ACACA: variants seen among roughly 807,000 people sequenced by gnomAD.
ACACA encodes acetyl-CoA carboxylase alpha, also known as acetyl-CoA carboxylase 1.
A neutral mutation model predicts 296.1 loss-of-function variants in ACACA; 103 were observed. That is an observed-to-expected ratio of 0.35 (90% CI 0.30 to 0.41). ACACA has a LOEUF of 0.41. Ranked by LOEUF, ACACA falls within the 10% of genes least tolerant of loss-of-function variation. The pLI is 1.00. For synonymous variants in ACACA, 953 were observed against 1,038.6 expected (o/e 0.92, Z 1.58); for missense variants, 1,554 against 2,989.7 (o/e 0.52, Z 11.20).
chr17:37,359,725 A>G (rs375791062), intron 1 of ACACA, among the ~76,000 whole-genome samples: 3 of 152,150 alleles, frequency 2.0e-5, no homozygotes, highest in Non-Finnish European at 4.4e-5. Flanking sequence ...GGGGTGGGCA[A>G]TCGCGTCCAC....
chr17:37,165,673 G>T (rs1205110466), intron 41 of ACACA, among the ~76,000 whole-genome samples: 3 of 140,958 alleles, frequency 2.1e-5, no homozygotes, highest in Non-Finnish European at 4.5e-5. Flanking sequence ...TCTGTGTAGA[G>T]AATTTTTTTT....
At chr17:37,236,565 T>G (rs959674198) in intron 24 of ACACA, among the ~76,000 whole-genome samples, 1 of 152,050 alleles carries the variant, frequency 6.6e-6, no homozygotes, top group Non-Finnish European at 1.5e-5. Context: ...TGGCTCACCC[T>G]TGTAATCCCA....
In ACACA at chr17:37,147,736, G is replaced by A. The variant is rs78676537; in HGVS notation, c.5679+2128C>T. ...AGCTAAAAACAAATATGCCCTTTTG[G>A]AAGTGAGCATTGTTTGGTAAGTTAA... On this transcript the variant is annotated intron_variant, in intron 45 of 55. Transcript: ENST00000616317. Among the ~76,000 whole-genome samples, 510 of 152,286 alleles carry A rather than the reference G, an allele frequency of 3.3e-3. 16 individuals carry two copies. The East Asian group carries it at 0.071, about 21-fold the overall frequency.
intron 25 of ACACA, among the ~76,000 whole-genome samples, chr17:37,233,224 G>A (rs1174191724): frequency 6.6e-6 from 1 of 152,184 alleles, no homozygotes; most frequent in East Asian, 1.9e-4. Flanking sequence ...GCTCCGAACA[G>A]CTGCCATTTT....
At chr17:37,388,740 G>A in intron 1 of ACACA, 2 of 1,612,856 alleles carry the variant, frequency 1.2e-6, no homozygotes, top group Non-Finnish European at 1.7e-6. Context: ...CTGTCACCCT[G>A]TTGCTCAGTG....
At chr17:37,386,366 C>A (rs141048333) in intron 1 of ACACA, among the ~76,000 whole-genome samples, 1 of 151,888 alleles carries the variant, frequency 6.6e-6, no homozygotes, top group Non-Finnish European at 1.5e-5. Context: ...CCGAGGTGGG[C>A]GGATCACCTG....
At chr17:37,400,149 T>C (rs2051231664) in intron 1 of ACACA, among the ~76,000 whole-genome samples, 1 of 152,170 alleles carries the variant, frequency 6.6e-6, no homozygotes, top group African/African-American at 2.4e-5. Flanking sequence ...AGACAGGGTC[T>C]TGCTCTGTTG....
At chr17:37,356,312 C>T (rs1262390729) in intron 1 of ACACA, among the ~76,000 whole-genome samples, 2 of 152,116 alleles carry the variant, frequency 1.3e-5, no homozygotes, top group Non-Finnish European at 2.9e-5. Flanking sequence ...ACTGTTTATT[C>T]GCTTTTTTGT....
In ACACA at chr17:37,086,120, T is replaced by C. The variant is rs963777156; in HGVS notation, c.*1196A>G. The C allele has an allele frequency of 1.2e-5, 3 of 250,672 alleles. No individual in the cohort carries two copies. The highest frequency in any genetic ancestry group is 4.4e-5 in the African/African-American group (2 of 45,036). 15.5% of individuals were successfully genotyped at this position (250,672 alleles called of 1,614,324 possible). A position where few individuals can be genotyped will look rare whatever the true frequency, so the allele number is the denominator to read the frequency against. On this transcript the variant is annotated 3_prime_UTR_variant, in exon 56 of 56. Transcript: ENST00000616317. Reference sequence around the variant, plus strand: ...AGTTGTAAATAATCTTAAGGTCATGTGGATTCTGTGTTTCCTGGAAGCCTC... The same window carrying C: ...AGTTGTAAATAATCTTAAGGTCATGCGGATTCTGTGTTTCCTGGAAGCCTC...
chr17:37,157,572 G>A (rs1164430605), intron 42 of ACACA, among the ~76,000 whole-genome samples: 1 of 108,616 alleles, frequency 9.2e-6, no homozygotes, highest in East Asian at 3.0e-4. Context: ...GTCTCCTTCT[G>A]TCACCCAGGC....
At chr17:37,147,884 C>A (rs1265186159) in intron 45 of ACACA, among the ~76,000 whole-genome samples, 2 of 152,104 alleles carry the variant, frequency 1.3e-5, no homozygotes, top group Non-Finnish European at 2.9e-5. Flanking sequence ...TTTAAGAAAT[C>A]AATCTCTAAT....
chr17:37,315,449 T>C (rs756123284), intron 3 of ACACA, among the ~76,000 whole-genome samples: 1 of 152,202 alleles, frequency 6.6e-6, no homozygotes, highest in Non-Finnish European at 1.5e-5. Flanking sequence ...TGAATTCTTA[T>C]ATTAATTACC....
At chr17:37,345,034 T>A (rs141545440) in intron 1 of ACACA, among the ~76,000 whole-genome samples, 64 of 152,196 alleles carry the variant, frequency 4.2e-4, no homozygotes, top group African/African-American at 1.5e-3. Flanking sequence ...TGAGTAAGAT[T>A]TTCCGGTCCT....
chr17:37,100,686 T>C (rs1390388018), intron 52 of ACACA, among the ~76,000 whole-genome samples: 1 of 151,824 alleles, frequency 6.6e-6, no homozygotes, highest in Non-Finnish European at 1.5e-5. Flanking sequence ...AATTTTAATA[T>C]GAATCATGGA....
rs1377975711 is a variant in ACACA, at chr17:37,347,768, GA to G, written c.39-7919del. Among the ~76,000 whole-genome samples the G allele has an allele frequency of 9.3e-4, 132 of 141,902 alleles. 1 individual carries two copies. The highest frequency in any genetic ancestry group is 1.6e-3 in the Non-Finnish European group (106 of 66,130). The allele number at this position is 141,902 out of a possible 152,430, so 93.1% of individuals were successfully genotyped here. A position where few individuals can be genotyped will look rare whatever the true frequency, so the allele number is the denominator to read the frequency against. ...CGTAAAAAAAAAAAAAAGAAAGAAA[GA>G]AAAAAAATTTTTTAACAAGAAAGAA... On this transcript the variant is annotated intron_variant, in intron 1 of 55. Coordinates refer to ENST00000616317, the MANE Select transcript of ACACA (RefSeq NM_198834.3).
At chr17:37,177,155 G>A (rs2077147408) in intron 41 of ACACA, among the ~76,000 whole-genome samples, 2 of 151,922 alleles carry the variant, frequency 1.3e-5, no homozygotes, top group South Asian at 4.2e-4. Flanking sequence ...TCCTATACTA[G>A]ATCTACTACT....
At chr17:37,158,391 G>A (rs967322035) in intron 42 of ACACA, among the ~76,000 whole-genome samples, 2 of 152,132 alleles carry the variant, frequency 1.3e-5, no homozygotes, top group African/African-American at 4.8e-5. Context: ...CACTTTGGGA[G>A]GCCAAGATGG....
intron 14 of ACACA, 113 bp downstream of exon 14, chr17:37,257,589 GT>G: frequency 9.6e-7 from 1 of 1,039,606 alleles, no homozygotes; most frequent in Non-Finnish European, 1.4e-6. Context: ...CTTCAAAAAG[GT>G]TGTTCATATT....
intron 3 of ACACA, among the ~76,000 whole-genome samples, chr17:37,291,789 T>C (rs570818596): frequency 6.6e-6 from 1 of 152,250 alleles, no homozygotes; most frequent in East Asian, 1.9e-4. Flanking sequence ...ATTAAATAAA[T>C]GACTGATACG....
Sources: gnomAD v4.1 joint callset for allele counts (sites outside exome capture counted in the v4.1 genomes callset) on GRCh38, gnomAD v4.1.1 for gene constraint, MANE v1.5 for transcripts, NCBI Gene and HGNC (gene_info 2026-07-23, HGNC 2026-07-21) for gene names.